The following NRXN2 variants were observed in gnomAD, a reference collection of about 807,000 sequenced individuals.
NRXN2 encodes the protein neurexin 2, also known as neurexin-2-beta.
A neutral mutation model predicts 128.8 loss-of-function variants in NRXN2; 29 were observed. The ratio of observed to expected loss-of-function variants is 0.23; its 90% confidence interval spans 0.17 to 0.31. The LOEUF is 0.31. Ranked by LOEUF, NRXN2 falls within the 10% of genes least tolerant of loss-of-function variation. The probability of loss-of-function intolerance (pLI) is 1.00; values close to 1 mark genes in which losing one functional copy is unlikely to be tolerated. For synonymous variants in NRXN2, 1,098 were observed against 1,075.2 expected, an observed-to-expected ratio of 1.02 and a Z score of -0.41; for missense variants, 1,881 against 2,452.6, an observed-to-expected ratio of 0.77 and a Z score of 4.92.
rs532778168 is a variant in NRXN2 at position 64,622,027 on chromosome 11, G to A, written c.4173+726C>T. On this transcript the variant is annotated intron_variant, in intron 21 of 22. Coordinates refer to ENST00000265459, the MANE Select transcript of NRXN2 (RefSeq NM_015080.4). This position sits in a 1 kb window ranked among gnomAD's most constrained non-coding sequence, Gnocchi z 4.3. ...CCAGTCTGTGCTGCAGGAAGCCTGG[G>A]ACTAGGCTAGCTGGGGCCATCCAGA... Among the ~76,000 whole-genome samples, 3 of 152,106 alleles carry A rather than the reference G, an allele frequency of 2.0e-5. No homozygotes were observed. The highest frequency in any genetic ancestry group is 4.4e-5 in the Non-Finnish European group (3 of 68,010).
Position 64,667,257 on chromosome 11 carries a change from C to T in NRXN2, c.1791G>A (p.Gly597=), listed in dbSNP as rs1404720345. 4.3e-6 allele frequency: 7 copies of T among 1,614,192 alleles called. No individual in the cohort carries two copies. Among genetic ancestry groups the T allele is most frequent in the East Asian group, 2.2e-5 (1 of 44,886 alleles). The change falls in exon 9 of 23, where the codon GGG becomes GGA. Residue 597 remains glycine, a synonymous_variant. Transcript: ENST00000265459. The surrounding 1 kb of genome is among the most constrained non-coding windows in gnomAD (Gnocchi z 5.6). ...EWCHVDFQRD[G]RKGSISVNSR... ...GTCCAGAGGCCTCCTGACCTTTTCGCCCATCCCTCTGGAAGTCCACGTGAC... is the reference window on the plus strand; with the variant it reads ...GTCCAGAGGCCTCCTGACCTTTTCGTCCATCCCTCTGGAAGTCCACGTGAC...
At chr11:64,721,475 G>C (rs891448237) in intron 1 of NRXN2, among the ~76,000 whole-genome samples, 1 of 151,898 alleles carries the variant, frequency 6.6e-6, no homozygotes, top group African/African-American at 2.4e-5. Flanking sequence ...CCCCCAGCCA[G>C]ACCCTTCTCC....
intron 22 of NRXN2, among the ~76,000 whole-genome samples, chr11:64,610,700 C>T (rs1290672327): frequency 1.3e-5 from 2 of 152,182 alleles, no homozygotes; most frequent in Non-Finnish European, 2.9e-5. Flanking sequence ...AATATGTCTT[C>T]CTGTACCCAC....
intron 22 of NRXN2, among the ~76,000 whole-genome samples, chr11:64,609,513 A>T (rs2040289035): frequency 6.6e-6 from 1 of 152,202 alleles, no homozygotes; most frequent in Non-Finnish European, 1.5e-5. Context: ...CCTTGGGCAG[A>T]AACTGCAATT....
chr11:64,667,527 G>A lies in NRXN2; in HGVS notation c.1521C>T (p.Pro507=). The change falls in exon 9 of 23, where the codon CCC becomes CCT. Residue 507 remains proline (P), a synonymous_variant. Coordinates refer to ENST00000265459, the MANE Select transcript of NRXN2 (RefSeq NM_015080.4). This position sits in a 1 kb window ranked among gnomAD's most constrained non-coding sequence, Gnocchi z 5.6. The stretch of plus-strand genomic sequence containing the variant: ...AGCCAGTGCGCTTAGCGCTCCAGCG[G>A]GGCAGCGCCACAAAGGCCTCGGGAC... The part of the protein sequence containing the change: ...FESPEAFVAL[P]RWSAKRTGSI... 1 of 1,614,130 alleles carries A rather than the reference G, an allele frequency of 6.2e-7. No homozygotes were observed. Among genetic ancestry groups the A allele is most frequent in the Non-Finnish European group, 8.5e-7 (1 of 1,179,998 alleles).
At chr11:64,717,847 G>T (rs996835938) in intron 1 of NRXN2, among the ~76,000 whole-genome samples, 3 of 152,164 alleles carry the variant, frequency 2.0e-5, no homozygotes, top group Admixed American at 2.0e-4. Flanking sequence ...AGGGTGTGAG[G>T]GCTCCAAGGC....
At chr11:64,669,871 T>A (rs1329830026) in intron 7 of NRXN2, among the ~76,000 whole-genome samples, 2 of 152,160 alleles carry the variant, frequency 1.3e-5, no homozygotes, top group African/African-American at 4.8e-5. Context: ...ACACTGTGCT[T>A]CTGCAGGCCA....
rs778754780 is a variant in NRXN2 at position 64,668,479 on chromosome 11, C to A, written c.1323G>T (p.Ser441=). The A allele has an allele frequency of 6.2e-7, 1 of 1,614,042 alleles. No individual in the cohort carries two copies. Among genetic ancestry groups the A allele is most frequent in the Non-Finnish European group, 8.5e-7 (1 of 1,180,020 alleles). Residue 441 remains serine, a synonymous_variant, in exon 8 of 23, where the codon TCG becomes TCT. Coordinates refer to ENST00000265459, the MANE Select transcript of NRXN2 (RefSeq NM_015080.4). The part of the protein sequence containing the change: ...GSPNTADLPG[S]PVSNNFMGCL... ...AGCCCATGAAGTTGTTGCTGACGGG[C>A]GAGCCCGGCAGGTCAGCTGTGTTGG... is the stretch of plus-strand genomic sequence containing the variant.
At chr11:64,712,788 C>G in intron 2 of NRXN2, 182 bp downstream of exon 2, 2 of 712,714 alleles carry the variant, frequency 2.8e-6, no homozygotes, top group Non-Finnish European at 5.1e-6. Flanking sequence ...CCGCCCACCG[C>G]CAACCCCACG....
intron 7 of NRXN2, among the ~76,000 whole-genome samples, chr11:64,672,714 C>CA (rs2135526177): frequency 6.7e-6 from 1 of 149,418 alleles, no homozygotes; most frequent in South Asian, 2.1e-4. Flanking sequence ...GGGACAAAGA[C>CA]AAAGAGGAAG....
intron 22 of NRXN2, among the ~76,000 whole-genome samples, chr11:64,610,866 G>A (rs1463183824): frequency 6.6e-6 from 1 of 152,176 alleles, no homozygotes; most frequent in African/African-American, 2.4e-5. Context: ...GAGTGCCTCT[G>A]GGGTCCTTCC....
intron 5 of NRXN2, chr11:64,688,273 C>A (rs1440898219): frequency 1.0e-6 from 1 of 985,008 alleles, no homozygotes; most frequent in Non-Finnish European, 1.2e-6. Context: ...TGCGCCTCCA[C>A]GGGCTCCAGT....
intron 19 of NRXN2, among the ~76,000 whole-genome samples, chr11:64,627,020 C>A (rs2043157559): frequency 6.6e-6 from 1 of 152,208 alleles, no homozygotes; most frequent in East Asian, 1.9e-4. Flanking sequence ...ATGGGTTAAG[C>A]GGGGTTTATG....
Position 64,711,377 on chromosome 11 carries a change from G to A in NRXN2, c.730+1593C>T, listed in dbSNP as rs954022283. 5.9e-5 allele frequency among the ~76,000 whole-genome samples: 9 copies of A among 152,216 alleles called. No individual in the cohort carries two copies. In the South Asian group the frequency reaches 1.9e-3, roughly 31 times the overall value. The stretch of plus-strand genomic sequence containing the variant: ...ACGAGCTGGAAGAACAGGGACGAGG[G>A]GCGGGGAGAGACGCGCATGCGCCGC... On this transcript the variant is annotated intron_variant, in intron 2 of 22. Coordinates refer to ENST00000265459, the MANE Select transcript of NRXN2 (RefSeq NM_015080.4).
At chr11:64,684,070 G>T (rs2052674532) in intron 6 of NRXN2, among the ~76,000 whole-genome samples, 1 of 152,140 alleles carries the variant, frequency 6.6e-6, no homozygotes, top group Non-Finnish European at 1.5e-5. Context: ...GTCCTGGAAG[G>T]GCAGGGACCA....
chr11:64,719,585 C>T (rs911387011), intron 1 of NRXN2, among the ~76,000 whole-genome samples: 2 of 152,012 alleles, frequency 1.3e-5, no homozygotes, highest in South Asian at 2.1e-4. Context: ...AGGCTGCTGC[C>T]GCCTCATGGA....
At chr11:64,644,201 C>T (rs930400625) in intron 17 of NRXN2, among the ~76,000 whole-genome samples, 1 of 152,118 alleles carries the variant, frequency 6.6e-6, no homozygotes, top group Non-Finnish European at 1.5e-5. Flanking sequence ...GACACCCCTG[C>T]TCCCCAAGCT....
rs760623636 is a variant in NRXN2, at chr11:64,620,277, G to C, written c.4252+17C>G. 8 of 1,545,738 alleles carry C rather than the reference G, an allele frequency of 5.2e-6. No individual in the cohort carries two copies. The highest frequency in any genetic ancestry group is 3.9e-5 in the Admixed American group (2 of 51,062). On this transcript the variant is annotated intron_variant, in intron 22 of 22. Transcript: ENST00000265459. ...CGCAGAGGGACCCGGGGCAGGGGAGGGGGGAAAGGCACTCACCAGTACTGG... is the reference window on the plus strand; with the variant it reads ...CGCAGAGGGACCCGGGGCAGGGGAGCGGGGAAAGGCACTCACCAGTACTGG...
Position 64,660,591 on chromosome 11 carries a change from G to A in NRXN2, c.2186-56C>T. Reference sequence around the variant, plus strand: ...AGAAGACAGGCAGAGGCCAGGGGAGGGAGAAGACCAGAGAATCATTACAAG... The same window carrying A: ...AGAAGACAGGCAGAGGCCAGGGGAGAGAGAAGACCAGAGAATCATTACAAG... On this transcript the variant is annotated intron_variant, in intron 10 of 22. Coordinates refer to ENST00000265459, the MANE Select transcript of NRXN2 (RefSeq NM_015080.4). The surrounding 1 kb of genome is among the most constrained non-coding windows in gnomAD (Gnocchi z 5.2). 3 of 1,599,592 alleles carry A rather than the reference G, an allele frequency of 1.9e-6. No homozygotes were observed. The highest frequency in any genetic ancestry group is 3.3e-5 in the Admixed American group (2 of 59,872).
Sources: allele counts gnomAD v4.1 joint callset (sites outside exome capture counted in the v4.1 genomes callset), GRCh38; gene constraint gnomAD v4.1.1; non-coding constraint Gnocchi (gnomAD v3.1); transcripts MANE v1.5; gene names NCBI Gene and HGNC (gene_info 2026-07-23, HGNC 2026-07-21).